Variants in SNTG1 observed in about 807,000 individuals in gnomAD.
The protein encoded by SNTG1 is syntrophin gamma 1, also known as gamma-1-syntrophin.
Under a neutral mutation model 74.7 loss-of-function variants are expected in SNTG1, and 39 were observed. The ratio of observed to expected loss-of-function variants is 0.52; its 90% CI spans 0.40 to 0.68. SNTG1 has a LOEUF of 0.68. Ranked by LOEUF, SNTG1 falls within the 30% of genes least tolerant of loss-of-function variation. The pLI is 0.00. For synonymous variants in SNTG1, 254 were observed against 217.1 expected (o/e 1.17, Z -1.49); for missense variants, 685 against 609.5 (o/e 1.12, Z -1.30).
chr8:50,788,246 G>A (rs756751693), intron 18 of SNTG1, among the ~76,000 whole-genome samples: 4 of 152,034 alleles, frequency 2.6e-5, no homozygotes, highest in African/African-American at 4.8e-5. Flanking sequence ...TGAAAGAGAA[G>A]CCTATCTTGA....
Position 50,066,156 on chromosome 8 carries a change from G to A in SNTG1, c.-102-106405G>A, listed in dbSNP as rs577015977. On this transcript the variant is annotated intron_variant, in intron 1 of 18. Transcript: ENST00000642720. ...CTTGAACCTGGGAGGCGGAGGTTGCGGTGAGCTCAGATTGTGCCATTGTAC... is the reference window on the plus strand; with the variant it reads ...CTTGAACCTGGGAGGCGGAGGTTGCAGTGAGCTCAGATTGTGCCATTGTAC... Among the ~76,000 whole-genome samples the A allele has an allele frequency of 2.4e-4, 36 of 152,030 alleles. No individual in the cohort carries two copies. The East Asian group carries it at 6.0e-3, about 25-fold the overall frequency.
chr8:50,042,552 C>T (rs575835732), intron 1 of SNTG1, among the ~76,000 whole-genome samples: 7 of 151,996 alleles, frequency 4.6e-5, no homozygotes, highest in Admixed American at 1.3e-4. Context: ...CAGACAGAGA[C>T]GGTCTTTAAA....
At chr8:50,652,479 C>G (rs896678285) in intron 13 of SNTG1, among the ~76,000 whole-genome samples, 1 of 151,878 alleles carries the variant, frequency 6.6e-6, no homozygotes, top group Admixed American at 6.6e-5. Flanking sequence ...TAGTTCCATC[C>G]GTTTTTCATT....
At chr8:50,021,048 G>A (rs897931450) in intron 1 of SNTG1, among the ~76,000 whole-genome samples, 18 of 152,088 alleles carry the variant, frequency 1.2e-4, no homozygotes, top group African/African-American at 4.3e-4. Context: ...AATATCTTTG[G>A]TTGGGCAGAG....
intron 2 of SNTG1, among the ~76,000 whole-genome samples, chr8:50,367,163 T>G (rs923664916): frequency 6.6e-6 from 1 of 150,544 alleles, no homozygotes; most frequent in African/African-American, 2.4e-5. Flanking sequence ...TATAATAGAG[T>G]GTTGTTTCCT....
chr8:50,770,805 T>G (rs776721913), intron 18 of SNTG1, among the ~76,000 whole-genome samples: 9 of 152,012 alleles, frequency 5.9e-5, no homozygotes, highest in Non-Finnish European at 8.8e-5. Context: ...GAGAATTGGT[T>G]GTTAAAACAA....
chr8:50,252,461 T>G (rs1352025914), intron 2 of SNTG1, among the ~76,000 whole-genome samples: 1 of 152,112 alleles, frequency 6.6e-6, no homozygotes, highest in Non-Finnish European at 1.5e-5. Flanking sequence ...AACTCTTGGT[T>G]AGATTAACTG....
At chr8:50,127,095 C>A (rs2081166683) in intron 1 of SNTG1, among the ~76,000 whole-genome samples, 3 of 152,006 alleles carry the variant, frequency 2.0e-5, no homozygotes. Context: ...GGTATAATAT[C>A]AGAAATTGTG....
chr8:50,102,713 A>G (rs1028142627), intron 1 of SNTG1, among the ~76,000 whole-genome samples: 4 of 151,194 alleles, frequency 2.6e-5, no homozygotes, highest in Admixed American at 6.6e-5. Context: ...TAAATCTTTA[A>G]TCCATCTTGA....
intron 1 of SNTG1, among the ~76,000 whole-genome samples, chr8:50,067,835 T>C (rs1301166553): frequency 6.6e-6 from 1 of 152,190 alleles, no homozygotes; most frequent in Non-Finnish European, 1.5e-5. Context: ...CCCCTGTGTC[T>C]GCAGTACTCG....
intron 1 of SNTG1, among the ~76,000 whole-genome samples, chr8:50,075,852 C>T (rs1024586231): frequency 2.0e-5 from 3 of 151,970 alleles, no homozygotes; most frequent in Non-Finnish European, 2.9e-5. Flanking sequence ...TTGAAGCCAG[C>T]GAGACCAGGA....
chr8:50,317,049 C>T (rs984198053), intron 2 of SNTG1, among the ~76,000 whole-genome samples: 10 of 152,088 alleles, frequency 6.6e-5, no homozygotes, highest in Admixed American at 6.6e-4. Context: ...GTCACTGAAG[C>T]CCAAGATAAA....
At chr8:50,779,958 A>G (rs988690271) in intron 18 of SNTG1, among the ~76,000 whole-genome samples, 1 of 152,048 alleles carries the variant, frequency 6.6e-6, no homozygotes, top group African/African-American at 2.4e-5. Flanking sequence ...CTATTGAGAT[A>G]ATCATGTGGT....
rs368003147 is a variant in SNTG1 at position 50,530,816 on chromosome 8, A to G, written c.549+557A>G. Among the ~76,000 whole-genome samples the G allele has an allele frequency of 2.0e-5, 3 of 152,286 alleles. No individual in the cohort carries two copies. In the South Asian group the frequency reaches 6.2e-4, roughly 32 times the overall value. ...AATACAATTTTAATCTTTGTTCTCT[A>G]CTTGCATTTTGAGTAAATCGATTTT... On this transcript the variant is annotated intron_variant, in intron 10 of 18. Coordinates refer to ENST00000642720, the MANE Select transcript of SNTG1 (RefSeq NM_018967.5).
chr8:50,237,004 A>AT (rs1246260565), intron 2 of SNTG1, among the ~76,000 whole-genome samples: 7 of 152,232 alleles, frequency 4.6e-5, no homozygotes, highest in Non-Finnish European at 1.0e-4. Context: ...TTGAATACAA[A>AT]CAAGTACTTA....
intron 13 of SNTG1, among the ~76,000 whole-genome samples, chr8:50,628,602 T>C (rs986057919): frequency 6.6e-6 from 1 of 152,148 alleles, no homozygotes; most frequent in Non-Finnish European, 1.5e-5. Context: ...GAATCTATTC[T>C]TGTTGTACCT....
intron 1 of SNTG1, among the ~76,000 whole-genome samples, chr8:50,141,761 T>G (rs2081665572): frequency 2.0e-5 from 3 of 152,062 alleles, no homozygotes; most frequent in African/African-American, 7.2e-5. Flanking sequence ...ACTAGATAGA[T>G]CTACAGAGAA....
At chr8:50,647,006 A>C (rs1417135582) in intron 13 of SNTG1, among the ~76,000 whole-genome samples, 1 of 152,204 alleles carries the variant, frequency 6.6e-6, no homozygotes, top group Non-Finnish European at 1.5e-5. Context: ...GGACATCCAC[A>C]TGAGGAATAA....
At chr8:50,656,025 T>A (rs1200717509) in intron 13 of SNTG1, among the ~76,000 whole-genome samples, 1 of 152,026 alleles carries the variant, frequency 6.6e-6, no homozygotes, top group Non-Finnish European at 1.5e-5. Flanking sequence ...TAATATCCTA[T>A]TGATGATAGA....
Sources: allele counts gnomAD v4.1 joint callset (sites outside exome capture counted in the v4.1 genomes callset), GRCh38; gene constraint gnomAD v4.1.1; transcripts MANE v1.5; gene names NCBI Gene and HGNC (gene_info 2026-07-23, HGNC 2026-07-21).